The following KCNMA1 variants were observed in gnomAD, a reference collection of about 807,000 sequenced individuals.
KCNMA1 encodes the protein Calcium-activated potassium channel subunit alpha-1.
In KCNMA1, 29 loss-of-function variants were observed where a neutral mutation model predicts 140.0. That is an observed-to-expected ratio of 0.21 (90% CI 0.15 to 0.28). The LOEUF is 0.28. Ranked by LOEUF, KCNMA1 falls within the 10% of genes least tolerant of loss-of-function variation. The pLI is 1.00. For synonymous variants in KCNMA1, 612 were observed against 611.9 expected (o/e 1.00, Z 0.00); for missense variants, 880 against 1,602.2 (o/e 0.55, Z 7.70).
chr10:77,169,908 T>C (rs1285090375), intron 5 of KCNMA1, among the ~76,000 whole-genome samples: 1 of 152,122 alleles, frequency 6.6e-6, no homozygotes, highest in Non-Finnish European at 1.5e-5. Context: ...TTATGAAAAA[T>C]GGGCCAGGCA....
rs376292243 is a variant in KCNMA1 at position 77,354,229 on chromosome 10, G to T, written c.540+49633C>A. On this transcript the variant is annotated intron_variant, in intron 2 of 27. Transcript: ENST00000286628. Reference sequence around the variant, plus strand: ...ACGATGGTCTCGATCTCTTGACCTCGTGATCTGCCTGCCTCAGCATCCCAA... The same window carrying T: ...ACGATGGTCTCGATCTCTTGACCTCTTGATCTGCCTGCCTCAGCATCCCAA... Among the ~76,000 whole-genome samples the T allele has an allele frequency of 4.6e-5, 7 of 152,168 alleles. No individual in the cohort carries two copies. In the East Asian group the frequency reaches 5.8e-4, roughly 13 times the overall value.
At chr10:77,387,535 CTTTTCTTTTCTTTTCTTTTCT>C (rs1317211788) in intron 2 of KCNMA1, among the ~76,000 whole-genome samples, 3 of 90,600 alleles carry the variant, frequency 3.3e-5, no homozygotes, top group Non-Finnish European at 9.2e-5. Flanking sequence ...TTGTTCTTTT[CTTTTCTTTTCTTTTCTTTTCT>C]TTTTCTTTTC....
intron 15 of KCNMA1, among the ~76,000 whole-genome samples, chr10:77,031,402 C>T (rs576151185): frequency 1.3e-5 from 2 of 152,296 alleles, no homozygotes; most frequent in South Asian, 2.1e-4. Context: ...TGCCACAGTT[C>T]CCACCACTCT....
At chr10:77,570,942 A>AAT (rs1440437129) in intron 1 of KCNMA1, among the ~76,000 whole-genome samples, 4 of 151,270 alleles carry the variant, frequency 2.6e-5, no homozygotes, top group African/African-American at 9.7e-5. Context: ...AAAAAAAAAA[A>AAT]ATACTTTCTT....
In KCNMA1 at chr10:77,088,237, A is replaced by C. The variant is rs180956136; in HGVS notation, c.1335-1644T>G. Among the ~76,000 whole-genome samples the C allele has an allele frequency of 3.5e-4, 54 of 152,282 alleles. 2 individuals carry two copies. The highest frequency in any genetic ancestry group is 2.3e-3 in the Admixed American group (35 of 15,298). On this transcript the variant is annotated intron_variant, in intron 10 of 27. Transcript: ENST00000286628. ...TGCCCTCCCAAAGTGCTGGGATTAC[A>C]GGCATGAGCCACCATGCCTGGCCAT... is the stretch of plus-strand genomic sequence containing the variant.
intron 15 of KCNMA1, among the ~76,000 whole-genome samples, chr10:77,035,880 T>C (rs1188352434): frequency 6.6e-6 from 1 of 152,152 alleles, no homozygotes; most frequent in East Asian, 1.9e-4. Flanking sequence ...GGAGTAAGCA[T>C]CTGTGATGGT....
At chr10:77,168,958 C>T (rs1477187108) in intron 5 of KCNMA1, among the ~76,000 whole-genome samples, 1 of 152,114 alleles carries the variant, frequency 6.6e-6, no homozygotes, top group Non-Finnish European at 1.5e-5. Flanking sequence ...ATGAACATGG[C>T]TATGTTCCAA....
chr10:77,296,918 G>GGGGGGA (rs34224383), intron 2 of KCNMA1, among the ~76,000 whole-genome samples: 48 of 144,554 alleles, frequency 3.3e-4, no homozygotes, highest in Non-Finnish European at 6.0e-4. Flanking sequence ...TGGGCGGGGG[G>GGGGGGA]GCGGTGGGGG....
chr10:76,895,276 A>G (rs1455660062), intron 25 of KCNMA1, among the ~76,000 whole-genome samples: 1 of 152,186 alleles, frequency 6.6e-6, no homozygotes, highest in Non-Finnish European at 1.5e-5. Context: ...AGTCTTGCCA[A>G]TGCCGCTGGC....
At chr10:77,272,057 A>G (rs1420688500) in intron 2 of KCNMA1, among the ~76,000 whole-genome samples, 1 of 152,182 alleles carries the variant, frequency 6.6e-6, no homozygotes, top group Non-Finnish European at 1.5e-5. Flanking sequence ...AAGCAAGTAC[A>G]TGCAGTTAGG....
At chr10:77,121,144 G>A in intron 5 of KCNMA1, 96 bp from the exon 6 acceptor site, 1 of 799,136 alleles carries the variant, frequency 1.3e-6, no homozygotes, top group Admixed American at 1.9e-5. Flanking sequence ...AGGGTCGAAG[G>A]GATGGGAAGT....
chr10:77,588,547 G>A (rs1344533541), intron 1 of KCNMA1, among the ~76,000 whole-genome samples: 1 of 152,200 alleles, frequency 6.6e-6, no homozygotes, highest in Non-Finnish European at 1.5e-5. Context: ...GCAGGGCCAT[G>A]AGAGCAGAGA....
chr10:77,079,365 T>TGA (rs1296084463), intron 13 of KCNMA1, 116 bp downstream of exon 13: 83 of 645,176 alleles, frequency 1.3e-4, no homozygotes, highest in African/African-American at 1.3e-3. Context: ...TGTGGGCATG[T>TGA]GAGAGTGTGT....
chr10:77,519,154 C>T (rs2154549987), intron 1 of KCNMA1, among the ~76,000 whole-genome samples: 1 of 152,396 alleles, frequency 6.6e-6, no homozygotes, highest in Middle Eastern at 3.4e-3. Flanking sequence ...ACACTGGCTT[C>T]AGCCCGCCTG....
chr10:77,631,102 G>A (rs1286051207), intron 1 of KCNMA1, among the ~76,000 whole-genome samples: 1 of 60,394 alleles, frequency 1.7e-5, no homozygotes, highest in Non-Finnish European at 3.0e-5. Flanking sequence ...GTGAGACCCT[G>A]TCCCAAAAAA....
At chr10:77,533,188 G>A (rs1156307801) in intron 1 of KCNMA1, among the ~76,000 whole-genome samples, 1 of 152,128 alleles carries the variant, frequency 6.6e-6, no homozygotes, top group Non-Finnish European at 1.5e-5. Flanking sequence ...CCTCAGTGTT[G>A]CTAACATGCC....
At chr10:77,390,836 AC>A (rs2095795807) in intron 2 of KCNMA1, among the ~76,000 whole-genome samples, 1 of 150,718 alleles carries the variant, frequency 6.6e-6, no homozygotes, top group Non-Finnish European at 1.5e-5. Context: ...CTGAAATGCC[AC>A]TTTTTTTTTT....
intron 14 of KCNMA1, among the ~76,000 whole-genome samples, chr10:77,061,818 A>C (rs1429515537): frequency 1.3e-5 from 2 of 152,236 alleles, no homozygotes; most frequent in Non-Finnish European, 2.9e-5. Context: ...CATACTATTC[A>C]TCAACAGAAA....
intron 1 of KCNMA1, among the ~76,000 whole-genome samples, chr10:77,415,023 G>T (rs562793665): frequency 6.6e-6 from 1 of 152,070 alleles, no homozygotes; most frequent in African/African-American, 2.4e-5. Flanking sequence ...ACAACCTATG[G>T]CTTCTAAGTA....
Sources: gnomAD v4.1 joint callset for allele counts (sites outside exome capture counted in the v4.1 genomes callset) on GRCh38, gnomAD v4.1.1 for gene constraint, MANE v1.5 for transcripts, NCBI Gene and HGNC (gene_info 2026-07-23, HGNC 2026-07-21) for gene names.